Variants in TWSG1 observed in about 807,000 individuals in gnomAD.
TWSG1 encodes the protein twisted gastrulation BMP signaling modulator 1, also known as twisted gastrulation protein homolog 1.
Under a neutral mutation model 23.0 loss-of-function variants are expected in TWSG1, and 15 were observed. That is an observed-to-expected ratio of 0.65 (90% CI 0.44 to 1.00). The LOEUF (loss-of-function observed/expected upper bound fraction) is 1.00. TWSG1 is among the 50% of genes least tolerant of loss of function. TWSG1 has a pLI of 0.00. For missense variants in TWSG1, 242 were observed against 278.7 expected, an observed-to-expected ratio of 0.87 and a Z score of 0.94; for synonymous variants, 86 against 92.8, an observed-to-expected ratio of 0.93 and a Z score of 0.42.
intron 3 of TWSG1, among the ~76,000 whole-genome samples, chr18:9,378,781 G>A (rs1350413405): frequency 1.3e-5 from 2 of 151,508 alleles, no homozygotes; most frequent in African/African-American, 4.9e-5. Flanking sequence ...GACCAGCCTG[G>A]GCAACTTAAC....
At chr18:9,366,629 T>C (rs2040580232) in intron 3 of TWSG1, among the ~76,000 whole-genome samples, 1 of 152,206 alleles carries the variant, frequency 6.6e-6, no homozygotes, top group African/African-American at 2.4e-5. Context: ...CAGATCTAGA[T>C]AGATCCGTTG....
chr18:9,393,816 G>A (rs531915075), intron 3 of TWSG1, among the ~76,000 whole-genome samples: 15 of 152,242 alleles, frequency 9.9e-5, no homozygotes, highest in South Asian at 4.1e-4. Flanking sequence ...TCACCTCTGC[G>A]TCTCAAAGTG....
At chr18:9,342,859 A>G (rs899702410) in intron 2 of TWSG1, among the ~76,000 whole-genome samples, 1 of 152,158 alleles carries the variant, frequency 6.6e-6, no homozygotes, top group Non-Finnish European at 1.5e-5. Context: ...TGGGTCCTGC[A>G]TGTCTTGAAG....
chr18:9,362,252 G>A (rs1420498601), intron 3 of TWSG1, among the ~76,000 whole-genome samples: 2 of 152,100 alleles, frequency 1.3e-5, no homozygotes, highest in Admixed American at 6.6e-5. Context: ...ATGTTGCCTA[G>A]GCTGGAGTGG....
intron 3 of TWSG1, among the ~76,000 whole-genome samples, chr18:9,378,399 T>TA (rs1042413986): frequency 6.6e-6 from 1 of 152,178 alleles, no homozygotes; most frequent in Non-Finnish European, 1.5e-5. Flanking sequence ...CTTGAACTGA[T>TA]AAACAACTTC....
At chr18:9,342,206 C>T (rs1291051272) in intron 2 of TWSG1, among the ~76,000 whole-genome samples, 1 of 152,218 alleles carries the variant, frequency 6.6e-6, no homozygotes, top group Admixed American at 6.5e-5. Flanking sequence ...CTGCCACTTA[C>T]TGGTTGTATG....
At position 9,399,415 on chromosome 18, in the gene TWSG1, C is replaced by A. The variant is rs375686694; in HGVS notation, c.560C>A (p.Ser187Tyr). ...CATCAGTGTAAAATATCCTGTGAGT[C>A]CATGGGAGCATCCAAATATCGCTGG... Reference protein sequence around the residue: ...SIHQCKISCESMGASKYRWFH... With the variant: ...SIHQCKISCEYMGASKYRWFH... The change falls in exon 5 of 5, where the codon TCC becomes TAC. Residue 187 changes from serine to tyrosine, a missense_variant. Coordinates refer to ENST00000262120, the MANE Select transcript of TWSG1 (RefSeq NM_020648.6). The A allele has an allele frequency of 6.2e-6, 10 of 1,613,814 alleles. No homozygotes were observed. The highest frequency in any genetic ancestry group is 8.5e-6 in the Non-Finnish European group (10 of 1,179,884).
intron 3 of TWSG1, among the ~76,000 whole-genome samples, chr18:9,382,009 T>C (rs7233757): frequency 0.12 from 18,067 of 152,070 alleles, 1,262 homozygotes; most frequent in Middle Eastern, 0.27. Flanking sequence ...CTTTATCTTT[T>C]AAAAACTCTA....
In TWSG1 at chr18:9,373,759, A is replaced by G. The variant is rs148275671; in HGVS notation, c.223+13688A>G. Among the ~76,000 whole-genome samples, 887 of 152,346 alleles carry G rather than the reference A, an allele frequency of 5.8e-3. 2 individuals are homozygous for G. The highest frequency in any genetic ancestry group is 0.018 in the South Asian group (86 of 4,828). ...CAGAATATCCAAGCATGTAAGCTTT[A>G]TCTCAAGCTTATGTGAAACATTCAC... On this transcript the variant is annotated intron_variant, in intron 3 of 4. Transcript: ENST00000262120.
At chr18:9,356,953 T>G in intron 2 of TWSG1, among the ~76,000 whole-genome samples, 1 of 141,976 alleles carries the variant, frequency 7.0e-6, no homozygotes. Flanking sequence ...TGTGACTAAG[T>G]GCTAACCTTT....
chr18:9,366,313 G>A (rs2040578468), intron 3 of TWSG1, among the ~76,000 whole-genome samples: 1 of 152,204 alleles, frequency 6.6e-6, no homozygotes, highest in Admixed American at 6.5e-5. Context: ...TCGCTGTGGT[G>A]AATGGAAGAA....
At chr18:9,342,900 ATGGT>A (rs1359406549) in intron 2 of TWSG1, among the ~76,000 whole-genome samples, 2 of 152,156 alleles carry the variant, frequency 1.3e-5, no homozygotes, top group Non-Finnish European at 2.9e-5. Flanking sequence ...CACCTGACTG[ATGGT>A]TTGCCTGAAT....
intron 2 of TWSG1, among the ~76,000 whole-genome samples, chr18:9,339,018 G>T (rs9635873): frequency 0.31 from 47,567 of 151,812 alleles, 7,703 homozygotes; most frequent in African/African-American, 0.4. Flanking sequence ...GGGAATCACA[G>T]TGAGACCCTG....
Position 9,399,500 on chromosome 18 carries a change from T to C in TWSG1, c.645T>C (p.Thr215=). The change falls in exon 5 of 5, where the codon ACT becomes ACC. Residue 215 remains threonine, a synonymous_variant. Transcript: ENST00000262120. ...AATGTATTGACTATGGTAGTAAAAC[T>C]GTCAAATGTATGAACTGCATGTTTT... ...GPECIDYGSK[T]VKCMNCMF 1 of 1,608,008 alleles carries C rather than the reference T, an allele frequency of 6.2e-7. No individual in the cohort carries two copies. Among genetic ancestry groups the C allele is most frequent in the South Asian group, 1.1e-5 (1 of 89,276 alleles).
intron 3 of TWSG1, among the ~76,000 whole-genome samples, chr18:9,376,006 C>G (rs1012069571): frequency 1.3e-5 from 2 of 152,080 alleles, no homozygotes; most frequent in Non-Finnish European, 2.9e-5. Flanking sequence ...CCTCTGCCTC[C>G]CGGGTTCAAG....
At position 9,360,197 on chromosome 18, in the gene TWSG1, A is replaced by G. The variant is rs554036939; in HGVS notation, c.223+126A>G. On this transcript the variant is annotated intron_variant, in intron 3 of 4. Transcript: ENST00000262120. ...AGTATGTGTGTGAAATATAGTAAACATACAGAACATTGTATTTTTACATTC... is the reference window on the plus strand; with the variant it reads ...AGTATGTGTGTGAAATATAGTAAACGTACAGAACATTGTATTTTTACATTC... The G allele has an allele frequency of 1.5e-4, 91 of 623,484 alleles. No individual in the cohort carries two copies. The South Asian group carries it at 2.1e-3, about 15-fold the overall frequency. 38.6% of individuals were successfully genotyped at this position (623,484 alleles called of 1,614,324 possible).
chr18:9,351,648 GT>G (rs2040502818), intron 2 of TWSG1, among the ~76,000 whole-genome samples: 1 of 97,408 alleles, frequency 1.0e-5, no homozygotes, highest in East Asian at 2.9e-4. Context: ...TTGTCTTTTT[GT>G]TTTTTTGTTT....
intron 3 of TWSG1, among the ~76,000 whole-genome samples, chr18:9,369,849 T>A (rs1327819304): frequency 6.6e-6 from 1 of 152,200 alleles, no homozygotes; most frequent in Non-Finnish European, 1.5e-5. Flanking sequence ...TCGTTACATA[T>A]TTTTTATATT....
chr18:9,343,258 A>ATATATATATC (rs2040455665), intron 2 of TWSG1, among the ~76,000 whole-genome samples: 2 of 134,922 alleles, frequency 1.5e-5, no homozygotes, highest in African/African-American at 5.7e-5. Flanking sequence ...ATATATATAT[A>ATATATATATC]TATCTTGTCC....
Sources: gnomAD v4.1 joint callset for allele counts (sites outside exome capture counted in the v4.1 genomes callset) on GRCh38, gnomAD v4.1.1 for gene constraint, MANE v1.5 for transcripts, NCBI Gene and HGNC (gene_info 2026-07-23, HGNC 2026-07-21) for gene names.